Variants in CDH12 observed in about 807,000 individuals in gnomAD.
CDH12 encodes cadherin 12.
A neutral mutation model predicts 74.1 loss-of-function variants in CDH12; 41 were observed. The observed-to-expected ratio is 0.55, with a 90% CI of 0.43 to 0.72. The LOEUF (loss-of-function observed/expected upper bound fraction) is 0.72, where lower values mean the gene tolerates loss of function less well. Ranked by LOEUF, CDH12 falls within the 30% of genes least tolerant of loss-of-function variation. CDH12 has a pLI of 0.00. For synonymous variants in CDH12, 399 were observed against 355.0 expected, an observed-to-expected ratio of 1.12 and a Z score of -1.39; for missense variants, 945 against 977.2, an observed-to-expected ratio of 0.97 and a Z score of 0.44.
chr5:22,049,857 G>C (rs1740232724), intron 5 of CDH12, among the ~76,000 whole-genome samples: 1 of 152,052 alleles, frequency 6.6e-6, no homozygotes, highest in Admixed American at 6.6e-5. Flanking sequence ...TCTTCCTCAA[G>C]TTTAATCCAT....
Position 21,965,089 on chromosome 5 carries a change from C to T in CDH12, c.526+10002G>A, listed in dbSNP as rs1756521427. On this transcript the variant is annotated intron_variant, in intron 6 of 14. Transcript: ENST00000382254. ...TAATTCTGGCCTTTAGCTAAATAAGCACTTAATGCTAGTAAGAAAAATACA... is the reference window on the plus strand; with the variant it reads ...TAATTCTGGCCTTTAGCTAAATAAGTACTTAATGCTAGTAAGAAAAATACA... Among the ~76,000 whole-genome samples, 4 of 151,934 alleles carry T rather than the reference C, an allele frequency of 2.6e-5. No homozygotes were observed. The South Asian group carries it at 8.3e-4, about 31-fold the overall frequency.
At chr5:22,218,226 A>T (rs1051537566) in intron 3 of CDH12, among the ~76,000 whole-genome samples, 1 of 151,742 alleles carries the variant, frequency 6.6e-6, no homozygotes. Flanking sequence ...CGTGTGATGC[A>T]GCCATCTCGC....
chr5:21,981,069 C>T (rs1256070210), intron 5 of CDH12, among the ~76,000 whole-genome samples: 1 of 151,990 alleles, frequency 6.6e-6, no homozygotes, highest in Non-Finnish European at 1.5e-5. Flanking sequence ...TATAAAAATA[C>T]ATATATAAAA....
In CDH12 at chr5:22,069,655, C is replaced by T. The variant is rs193128058; in HGVS notation, c.231+8791G>A. On this transcript the variant is annotated intron_variant, in intron 5 of 14. Transcript: ENST00000382254. ...GACTGCCACCCAGCCTCTCTGAGTT[C>T]CTCATTCCCCTAAATCAACAGGTAA... is the stretch of plus-strand genomic sequence containing the variant. Among the ~76,000 whole-genome samples the T allele has an allele frequency of 1.5e-3, 221 of 152,246 alleles. 1 individual carries two copies. Among genetic ancestry groups the T allele is most frequent in the African/African-American group, 4.9e-3 (205 of 41,564 alleles).
intron 5 of CDH12, among the ~76,000 whole-genome samples, chr5:21,987,728 T>A (rs993319380): frequency 6.6e-6 from 1 of 151,384 alleles, no homozygotes; most frequent in Non-Finnish European, 1.5e-5. Context: ...AAGTCAAACA[T>A]TTTTGCCATC....
chr5:22,497,249 T>G (rs1222729467), intron 2 of CDH12, among the ~76,000 whole-genome samples: 1 of 152,174 alleles, frequency 6.6e-6, no homozygotes, highest in African/African-American at 2.4e-5. Flanking sequence ...TATATCAAAT[T>G]TCCTAGTCAA....
At chr5:22,375,994 G>C (rs922560919) in intron 3 of CDH12, among the ~76,000 whole-genome samples, 2 of 152,174 alleles carry the variant, frequency 1.3e-5, no homozygotes, top group African/African-American at 4.8e-5. Context: ...TGTATACCAA[G>C]GGGACACCTG....
chr5:22,025,057 T>C (rs918324674), intron 5 of CDH12, among the ~76,000 whole-genome samples: 3 of 152,076 alleles, frequency 2.0e-5, no homozygotes, highest in African/African-American at 7.2e-5. Flanking sequence ...TGCCTAATAA[T>C]AAAACAAAAA....
intron 1 of CDH12, among the ~76,000 whole-genome samples, chr5:22,776,238 A>T (rs1747095480): frequency 6.6e-6 from 1 of 152,186 alleles, no homozygotes; most frequent in Non-Finnish European, 1.5e-5. Context: ...CACCACAAAT[A>T]AACATAATAA....
At chr5:22,452,315 A>T (rs1455343288) in intron 2 of CDH12, among the ~76,000 whole-genome samples, 1 of 152,064 alleles carries the variant, frequency 6.6e-6, no homozygotes, top group African/African-American at 2.4e-5. Flanking sequence ...ACCTGACTTC[A>T]AAATGTACTA....
At chr5:22,738,337 T>A (rs1343963537) in intron 1 of CDH12, among the ~76,000 whole-genome samples, 1 of 152,100 alleles carries the variant, frequency 6.6e-6, no homozygotes, top group Non-Finnish European at 1.5e-5. Flanking sequence ...CAGAGACACA[T>A]GCTTTAGGAA....
intron 3 of CDH12, among the ~76,000 whole-genome samples, chr5:22,331,755 T>G (rs1267751651): frequency 6.6e-6 from 1 of 152,132 alleles, no homozygotes; most frequent in Non-Finnish European, 1.5e-5. Flanking sequence ...CTCAAATAAA[T>G]TCAAGATAAC....
chr5:22,847,667 CT>C (rs1378704177), intron 1 of CDH12, among the ~76,000 whole-genome samples: 1 of 151,716 alleles, frequency 6.6e-6, no homozygotes, highest in Non-Finnish European at 1.5e-5. Context: ...CCTAATAATC[CT>C]TTTTTGAATA....
At chr5:22,230,183 C>T (rs1752333919) in intron 3 of CDH12, among the ~76,000 whole-genome samples, 1 of 152,018 alleles carries the variant, frequency 6.6e-6, no homozygotes, top group African/African-American at 2.4e-5. Context: ...CCAACATATT[C>T]ACCAAAAAAA....
intron 6 of CDH12, among the ~76,000 whole-genome samples, chr5:21,858,599 T>A (rs1487118182): frequency 2.0e-5 from 3 of 151,960 alleles, no homozygotes. Flanking sequence ...TAATAGTTTG[T>A]AATTACTCCA....
chr5:22,422,454 T>C (rs906880289), intron 2 of CDH12, among the ~76,000 whole-genome samples: 1 of 152,168 alleles, frequency 6.6e-6, no homozygotes, highest in Non-Finnish European at 1.5e-5. Flanking sequence ...CTTTCTGATG[T>C]GCTGTTGAAT....
intron 11 of CDH12, among the ~76,000 whole-genome samples, chr5:21,771,511 T>A (rs1745322383): frequency 6.6e-6 from 1 of 152,140 alleles, no homozygotes; most frequent in Admixed American, 6.6e-5. Flanking sequence ...ATTCAAAGAT[T>A]TTCTGATGGG....
chr5:22,191,386 C>T (rs977105915), intron 4 of CDH12, among the ~76,000 whole-genome samples: 4 of 151,864 alleles, frequency 2.6e-5, no homozygotes, highest in African/African-American at 7.3e-5. Context: ...TACACTGGAT[C>T]GACCCAGTTT....
chr5:22,512,997 A>C (rs1466617657), intron 1 of CDH12, among the ~76,000 whole-genome samples: 2 of 152,174 alleles, frequency 1.3e-5, no homozygotes, highest in Non-Finnish European at 2.9e-5. Context: ...AGATCCCGCC[A>C]CTGCAGTCCA....
Sources: gnomAD v4.1 joint callset for allele counts (sites outside exome capture counted in the v4.1 genomes callset) on GRCh38, gnomAD v4.1.1 for gene constraint, MANE v1.5 for transcripts, NCBI Gene and HGNC (gene_info 2026-07-23, HGNC 2026-07-21) for gene names.